NTM: variants seen among roughly 807,000 people sequenced by gnomAD.
The protein encoded by NTM is neurotrimin.
In NTM, 13 loss-of-function variants were observed where a neutral mutation model predicts 42.1. The ratio of observed to expected loss-of-function variants is 0.31; its 90% CI spans 0.20 to 0.49. The LOEUF is 0.49. Among genes scored for constraint, NTM ranks in the 20% least tolerant of loss-of-function variants. NTM has a pLI of 0.99. For missense variants in NTM, 373 were observed against 452.8 expected, an observed-to-expected ratio of 0.82 and a Z score of 1.60; for synonymous variants, 187 against 179.2, an observed-to-expected ratio of 1.04 and a Z score of -0.35.
At chr11:132,179,779 A>C (rs1025026600) in intron 3 of NTM, among the ~76,000 whole-genome samples, 2 of 152,156 alleles carry the variant, frequency 1.3e-5, no homozygotes, top group African/African-American at 4.8e-5. Context: ...GCAGGGACTC[A>C]TGGGGCTTGG....
chr11:131,933,008 G>A (rs375424691), intron 2 of NTM, among the ~76,000 whole-genome samples: 1 of 152,298 alleles, frequency 6.6e-6, no homozygotes, highest in Middle Eastern at 3.4e-3. Flanking sequence ...TGAGCTGAGC[G>A]CCACTAGATC....
chr11:131,531,368 A>G (rs2051256340), intron 1 of NTM, among the ~76,000 whole-genome samples: 1 of 152,126 alleles, frequency 6.6e-6, no homozygotes, highest in Non-Finnish European at 1.5e-5. Context: ...GGTGGATCTC[A>G]AACTTCTGGA....
chr11:131,684,209 G>C (rs1045725200), intron 1 of NTM, among the ~76,000 whole-genome samples: 2 of 152,236 alleles, frequency 1.3e-5, no homozygotes, highest in Middle Eastern at 3.4e-3. Flanking sequence ...GAGCAACGTG[G>C]GGTGAGCAGC....
At chr11:131,417,653 G>T (rs1328712181) in intron 1 of NTM, among the ~76,000 whole-genome samples, 1 of 152,076 alleles carries the variant, frequency 6.6e-6, no homozygotes, top group African/African-American at 2.4e-5. Flanking sequence ...TTTAATTGAG[G>T]TGTTCAGTTT....
At chr11:131,390,917 A>G (rs1263651670) in intron 1 of NTM, among the ~76,000 whole-genome samples, 3 of 152,102 alleles carry the variant, frequency 2.0e-5, no homozygotes, top group Non-Finnish European at 4.4e-5. Flanking sequence ...ACCTGGCCAG[A>G]GGTACCAGGA....
At chr11:131,730,248 T>C (rs1350202960) in intron 1 of NTM, among the ~76,000 whole-genome samples, 1 of 152,208 alleles carries the variant, frequency 6.6e-6, no homozygotes, top group Non-Finnish European at 1.5e-5. Context: ...CAATTAATTT[T>C]AATATGATGT....
intron 1 of NTM, among the ~76,000 whole-genome samples, chr11:131,419,742 G>A (rs991538110): frequency 5.3e-5 from 8 of 152,186 alleles, no homozygotes; most frequent in Non-Finnish European, 8.8e-5. Flanking sequence ...GGGAGGGATG[G>A]AGGTATAAAG....
chr11:132,061,107 T>C (rs1247895601), intron 2 of NTM, among the ~76,000 whole-genome samples: 1 of 152,216 alleles, frequency 6.6e-6, no homozygotes, highest in African/African-American at 2.4e-5. Flanking sequence ...CTTCAAAAAA[T>C]ACCCATTCTA....
intron 1 of NTM, among the ~76,000 whole-genome samples, chr11:131,551,375 G>A (rs574242129): frequency 6.6e-6 from 1 of 151,874 alleles, no homozygotes; most frequent in Admixed American, 6.6e-5. Context: ...GGACTTTGAG[G>A]GTGAAGGGAG....
At chr11:131,499,812 G>A (rs1238466957) in intron 1 of NTM, among the ~76,000 whole-genome samples, 2 of 152,296 alleles carry the variant, frequency 1.3e-5, no homozygotes, top group African/African-American at 4.8e-5. Flanking sequence ...CCGCGTCAAT[G>A]CGCTCTGCAT....
chr11:132,164,488 C>G (rs1460623300), intron 3 of NTM, among the ~76,000 whole-genome samples: 1 of 152,124 alleles, frequency 6.6e-6, no homozygotes, highest in Non-Finnish European at 1.5e-5. Context: ...TTAAAGAATA[C>G]ATTTCTTTAT....
Position 131,908,655 on chromosome 11 carries a change from G to A in NTM, c.83-2909G>A, listed in dbSNP as rs141537246. ...GAAATGAATGGATGAATTATTAGAG[G>A]TGACCCCTTGACTTGTGGAGACGAA... On this transcript the variant is annotated intron_variant, in intron 1 of 8. Transcript: ENST00000683400. Among the ~76,000 whole-genome samples, 1,017 of 152,272 alleles carry A rather than the reference G, an allele frequency of 6.7e-3. 11 individuals are homozygous for A. Among genetic ancestry groups the A allele is most frequent in the African/African-American group, 0.023 (940 of 41,546 alleles).
chr11:132,279,993 C>G (rs2093905433), intron 4 of NTM, among the ~76,000 whole-genome samples: 1 of 152,180 alleles, frequency 6.6e-6, no homozygotes, highest in Non-Finnish European at 1.5e-5. Context: ...GTTGTTGAAA[C>G]AGACCGCCAT....
chr11:131,747,436 C>T (rs748824768), intron 1 of NTM, among the ~76,000 whole-genome samples: 2 of 152,162 alleles, frequency 1.3e-5, no homozygotes, highest in Non-Finnish European at 2.9e-5. Flanking sequence ...CTTTTGCTTG[C>T]CATTCAAGCT....
intron 3 of NTM, among the ~76,000 whole-genome samples, chr11:132,169,078 T>A (rs35253443): frequency 0.017 from 2,653 of 152,204 alleles, 86 homozygotes; most frequent in African/African-American, 0.06. Context: ...CTAATATTCC[T>A]AGGATTTGAG....
At chr11:132,096,169 T>C (rs558049193) in intron 2 of NTM, among the ~76,000 whole-genome samples, 2 of 152,238 alleles carry the variant, frequency 1.3e-5, no homozygotes, top group Non-Finnish European at 2.9e-5. Flanking sequence ...TAGTCTTTTT[T>C]CCCCCCTTGA....
At chr11:131,490,927 T>C (rs1463430007) in intron 1 of NTM, among the ~76,000 whole-genome samples, 2 of 152,218 alleles carry the variant, frequency 1.3e-5, no homozygotes, top group African/African-American at 4.8e-5. Flanking sequence ...TTGCTAGCTG[T>C]TCTGCTGTAG....
intron 1 of NTM, among the ~76,000 whole-genome samples, chr11:131,485,916 C>T (rs916972882): frequency 6.6e-6 from 1 of 152,188 alleles, no homozygotes; most frequent in Non-Finnish European, 1.5e-5. Context: ...ATGCAGTCCA[C>T]ACTTCACCTA....
chr11:131,622,364 C>T (rs949804995), intron 1 of NTM, among the ~76,000 whole-genome samples: 14 of 152,184 alleles, frequency 9.2e-5, no homozygotes, highest in African/African-American at 2.9e-4. Flanking sequence ...AGTGATGCCT[C>T]GGGCCCCGGG....
Sources: gnomAD v4.1 joint callset for allele counts (sites outside exome capture counted in the v4.1 genomes callset) on GRCh38, gnomAD v4.1.1 for gene constraint, MANE v1.5 for transcripts, NCBI Gene and HGNC (gene_info 2026-07-23, HGNC 2026-07-21) for gene names.